LDB2: variants seen among roughly 807,000 people sequenced by gnomAD.
The protein encoded by LDB2 is LIM domain binding 2.
Under a neutral mutation model 44.3 loss-of-function variants are expected in LDB2, and 12 were observed. The ratio of observed to expected loss-of-function variants is 0.27; its 90% CI spans 0.17 to 0.44. The LOEUF is 0.44. Ranked by LOEUF, LDB2 falls within the 20% of genes least tolerant of loss-of-function variation. The pLI is 1.00. For synonymous variants in LDB2, 164 were observed against 174.8 expected (o/e 0.94, Z 0.49); for missense variants, 344 against 473.5 (o/e 0.73, Z 2.54).
chr4:16,890,354 G>C (rs190987184), intron 1 of LDB2, among the ~76,000 whole-genome samples: 2 of 152,306 alleles, frequency 1.3e-5, no homozygotes, highest in Admixed American at 6.5e-5. Context: ...GATGGAAAGG[G>C]GGGGCACGGA....
At position 16,566,311 on chromosome 4, in the gene LDB2, T is replaced by C. The variant is rs140144682; in HGVS notation, c.615+19611A>G. 2.1e-4 allele frequency among the ~76,000 whole-genome samples: 32 copies of C among 152,180 alleles called. No homozygotes were observed. In the East Asian group the frequency reaches 6.0e-3, roughly 28 times the overall value. On this transcript the variant is annotated intron_variant, in intron 5 of 7. Coordinates refer to ENST00000304523, the MANE Select transcript of LDB2 (RefSeq NM_001290.5). ...AAATAATAATTTAGCAAGTGTTATATTGGATTAAGAACACAAAGCCAAAAA... is the reference window on the plus strand; with the variant it reads ...AAATAATAATTTAGCAAGTGTTATACTGGATTAAGAACACAAAGCCAAAAA...
intron 7 of LDB2, 85 bp downstream of exon 7, chr4:16,508,450 C>G (rs878965661): frequency 2.8e-4 from 211 of 745,576 alleles, no homozygotes; most frequent in East Asian, 1.2e-3. Context: ...TTTTTTTTTT[C>G]TAATGAAAAG....
chr4:16,513,344 G>A (rs997154261), intron 5 of LDB2, among the ~76,000 whole-genome samples: 1 of 152,078 alleles, frequency 6.6e-6, no homozygotes, highest in African/African-American at 2.4e-5. Context: ...GCTGAGCTGC[G>A]TGCCTCTCTT....
At chr4:16,847,368 G>C (rs1477395348) in intron 1 of LDB2, among the ~76,000 whole-genome samples, 1 of 152,086 alleles carries the variant, frequency 6.6e-6, no homozygotes, top group East Asian at 1.9e-4. Context: ...TGGAAACTCA[G>C]TGTTAACATT....
chr4:16,508,662 G>A lies in LDB2; in HGVS notation c.764C>T (p.Thr255Ile), dbSNP rs1316498233. ...GGAATTTTTCCTTTTTCTCCGTTTG[G>A]TTGTTGGTTGCCTTGTGGGTTCTGC... is the stretch of plus-strand genomic sequence containing the variant. ...PPAEPTRQPT[T>I]KRRKRKNSTS... The change falls in exon 7 of 8, where the codon ACC becomes ATC. Residue 255 changes from threonine (T) to isoleucine (I), a missense_variant. Coordinates refer to ENST00000304523, the MANE Select transcript of LDB2 (RefSeq NM_001290.5). The A allele has an allele frequency of 6.2e-7, 1 of 1,613,702 alleles. No homozygotes were observed. Among genetic ancestry groups the A allele is most frequent in the Admixed American group, 1.7e-5 (1 of 59,988 alleles).
intron 1 of LDB2, among the ~76,000 whole-genome samples, chr4:16,834,863 A>C (rs1267978876): frequency 6.6e-6 from 1 of 152,000 alleles, no homozygotes. Context: ...AAGGAAAGGA[A>C]GGCTCTGTCG....
intron 2 of LDB2, among the ~76,000 whole-genome samples, chr4:16,632,025 C>T (rs140977363): frequency 0.86 from 130,426 of 151,064 alleles, 56,289 homozygotes; most frequent in Admixed American, 0.91. Context: ...GAGCTGGTAC[C>T]ATTCCTTCCG....
At chr4:16,746,796 ATAAC>A (rs1393966147) in intron 2 of LDB2, among the ~76,000 whole-genome samples, 8 of 152,228 alleles carry the variant, frequency 5.3e-5, no homozygotes, top group African/African-American at 1.9e-4. Flanking sequence ...CAATAAATAA[ATAAC>A]TAATTAAAAA....
intron 2 of LDB2, among the ~76,000 whole-genome samples, chr4:16,672,050 C>A (rs552837741): frequency 6.6e-6 from 1 of 152,264 alleles, no homozygotes; most frequent in African/African-American, 2.4e-5. Context: ...CAGAACACAC[C>A]TGGTAATAAC....
At chr4:16,573,115 A>T (rs1165999724) in intron 5 of LDB2, among the ~76,000 whole-genome samples, 1 of 152,226 alleles carries the variant, frequency 6.6e-6, no homozygotes, top group Non-Finnish European at 1.5e-5. Context: ...TTGCTGCGGG[A>T]TCGGCTTTGT....
At chr4:16,630,507 G>A (rs960133300) in intron 2 of LDB2, among the ~76,000 whole-genome samples, 3 of 152,036 alleles carry the variant, frequency 2.0e-5, no homozygotes, top group African/African-American at 4.8e-5. Context: ...GACCATCAAC[G>A]CCGTATAAAG....
intron 2 of LDB2, among the ~76,000 whole-genome samples, chr4:16,596,885 T>A (rs927654523): frequency 6.6e-6 from 1 of 152,182 alleles, no homozygotes; most frequent in African/African-American, 2.4e-5. Context: ...ACTCATAATA[T>A]CAGGAATTTT....
intron 1 of LDB2, among the ~76,000 whole-genome samples, chr4:16,834,351 T>C (rs1784544030): frequency 6.6e-6 from 1 of 152,254 alleles, no homozygotes; most frequent in Admixed American, 6.5e-5. Flanking sequence ...TATTTCCAGA[T>C]TCTCTTGAAA....
At chr4:16,509,120 A>T (rs1720719531) in intron 6 of LDB2, among the ~76,000 whole-genome samples, 1 of 152,186 alleles carries the variant, frequency 6.6e-6, no homozygotes, top group South Asian at 2.1e-4. Flanking sequence ...GTACGAGTGA[A>T]GTATGAACTT....
At chr4:16,834,645 G>A (rs903413379) in intron 1 of LDB2, among the ~76,000 whole-genome samples, 2 of 152,144 alleles carry the variant, frequency 1.3e-5, no homozygotes, top group African/African-American at 4.8e-5. Flanking sequence ...TGGCCAACAT[G>A]CTGAAACCCT....
At chr4:16,574,682 T>C (rs1747711906) in intron 5 of LDB2, among the ~76,000 whole-genome samples, 1 of 152,202 alleles carries the variant, frequency 6.6e-6, no homozygotes, top group Non-Finnish European at 1.5e-5. Context: ...AAAAAATAAA[T>C]GGCAGCAGTA....
At chr4:16,838,376 G>A (rs574082200) in intron 1 of LDB2, among the ~76,000 whole-genome samples, 4 of 152,258 alleles carry the variant, frequency 2.6e-5, no homozygotes, top group East Asian at 3.9e-4. Flanking sequence ...GACTATGAGG[G>A]CACCTTTCAC....
chr4:16,595,722 C>T lies in LDB2; in HGVS notation c.389G>A (p.Gly130Glu). 1 of 1,613,402 alleles carries T rather than the reference C, an allele frequency of 6.2e-7. No homozygotes were observed. The highest frequency in any genetic ancestry group is 8.5e-7 in the Non-Finnish European group (1 of 1,179,690). The change falls in exon 3 of 8, where the codon GGG becomes GAG. Residue 130 changes from glycine (G) to glutamate (E), a missense_variant. Around this residue, in one of 3 missense-constraint regions of LDB2, gnomAD observed 226 missense variants for 270.1 expected, o/e 0.84. Coordinates refer to ENST00000304523, the MANE Select transcript of LDB2 (RefSeq NM_001290.5). ...CDQCTMVTQH[G>E]KPMFTKVCTE... Reference sequence around the variant, plus strand: ...CTGTACCTTGGTAAACATGGGCTTCCCGTGCTGGGTGACCATGGTACACTG... The same window carrying T: ...CTGTACCTTGGTAAACATGGGCTTCTCGTGCTGGGTGACCATGGTACACTG...
At chr4:16,544,214 G>T (rs1034054134) in intron 5 of LDB2, among the ~76,000 whole-genome samples, 1 of 152,178 alleles carries the variant, frequency 6.6e-6, no homozygotes, top group Non-Finnish European at 1.5e-5. Context: ...GAGAAAAGAC[G>T]GGAGAGGAGA....
Sources: gnomAD v4.1 joint callset for allele counts (sites outside exome capture counted in the v4.1 genomes callset) on GRCh38, gnomAD v4.1.1 for gene constraint, gnomAD v4.1.1 regional missense constraint, MANE v1.5 for transcripts, NCBI Gene and HGNC (gene_info 2026-07-23, HGNC 2026-07-21) for gene names.